The following TMEM178B variants were observed in gnomAD, a reference collection of about 807,000 sequenced individuals.
TMEM178B encodes transmembrane protein 178B.
Under a neutral mutation model 31.0 loss-of-function variants are expected in TMEM178B, and 5 were observed. The observed-to-expected ratio is 0.16, with a 90% CI of 0.08 to 0.34. TMEM178B has a LOEUF of 0.34. Among genes scored for constraint, TMEM178B ranks in the 10% least tolerant of loss-of-function variants. The probability of loss-of-function intolerance (pLI) is 1.00; values close to 1 mark genes in which losing one functional copy is unlikely to be tolerated. For missense variants in TMEM178B, 275 were observed against 400.3 expected (o/e 0.69, Z 2.67); for synonymous variants, 164 against 164.0 (o/e 1.00, Z 0.00).
intron 2 of TMEM178B, among the ~76,000 whole-genome samples, chr7:141,432,547 G>A (rs1801455644): frequency 6.6e-6 from 1 of 152,158 alleles, no homozygotes; most frequent in African/African-American, 2.4e-5. Context: ...TAATATATAA[G>A]TTAGAATTGA....
intron 2 of TMEM178B, among the ~76,000 whole-genome samples, chr7:141,345,050 A>G (rs1345995897): frequency 3.3e-5 from 5 of 152,254 alleles, no homozygotes; most frequent in African/African-American, 9.6e-5. Flanking sequence ...GCATACAAAT[A>G]TGTCATGAAA....
chr7:141,094,737 C>G (rs988164465), intron 1 of TMEM178B, among the ~76,000 whole-genome samples: 1 of 152,208 alleles, frequency 6.6e-6, no homozygotes, highest in African/African-American at 2.4e-5. Flanking sequence ...TAGCATCACT[C>G]TAATTAGAAT....
intron 1 of TMEM178B, among the ~76,000 whole-genome samples, chr7:141,085,678 T>G (rs1794772364): frequency 6.6e-6 from 1 of 151,586 alleles, no homozygotes; most frequent in African/African-American, 2.4e-5. Context: ...TAATAGTGAT[T>G]CTATTTAGGC....
At chr7:141,341,453 T>G (rs560822617) in intron 2 of TMEM178B, among the ~76,000 whole-genome samples, 2 of 152,182 alleles carry the variant, frequency 1.3e-5, no homozygotes, top group East Asian at 3.9e-4. Context: ...TTTTCTCTCC[T>G]CCTAAAAAAG....
At chr7:141,116,894 A>G (rs183030763) in intron 1 of TMEM178B, among the ~76,000 whole-genome samples, 76 of 152,100 alleles carry the variant, frequency 5.0e-4, no homozygotes, top group African/African-American at 1.7e-3. Flanking sequence ...TATGTGCCAC[A>G]TTTTCTTTAT....
rs547804644 is a variant in TMEM178B, at chr7:141,225,808, G to A, written c.496+13104G>A. ...AGCCCCTGATACAAGATCGATGTTT[G>A]CCCCTTGATGTGCCCTGTGTAGGCT... On this transcript the variant is annotated intron_variant, in intron 2 of 3. Coordinates refer to ENST00000565468, the MANE Select transcript of TMEM178B (RefSeq NM_001195278.2). 2.6e-5 allele frequency among the ~76,000 whole-genome samples: 4 copies of A among 152,168 alleles called. No homozygotes were observed. The East Asian group carries it at 5.8e-4, about 22-fold the overall frequency.
At chr7:141,496,669 CAAAAA>C in the TMEM178B span, among the ~76,000 whole-genome samples, 641 of 33,186 alleles carry the variant, frequency 0.019, 2 homozygotes, top group African/African-American at 0.068. Flanking sequence ...GACTCCGTCT[CAAAAA>C]AAAAAAAAAA....
chr7:141,222,777 A>G (rs774870086), intron 2 of TMEM178B, among the ~76,000 whole-genome samples: 3 of 152,206 alleles, frequency 2.0e-5, no homozygotes, highest in Non-Finnish European at 4.4e-5. Flanking sequence ...GGGAGCTTGC[A>G]TTAGGTGTTT....
intron 2 of TMEM178B, among the ~76,000 whole-genome samples, chr7:141,294,753 T>G (rs952582942): frequency 2.0e-5 from 3 of 151,384 alleles, no homozygotes; most frequent in Admixed American, 6.6e-5. Context: ...GAGAAGAGAA[T>G]AGAGAGAAAG....
In TMEM178B at chr7:141,385,968, A is replaced by G. The variant is rs1039532906; in HGVS notation, c.497-51640A>G. Among the ~76,000 whole-genome samples the G allele has an allele frequency of 2.6e-5, 4 of 152,002 alleles. No individual in the cohort carries two copies. In the South Asian group the frequency reaches 8.3e-4, roughly 32 times the overall value. On this transcript the variant is annotated intron_variant, in intron 2 of 3. Transcript: ENST00000565468. ...CTCTTCTTCTGGGGCTTCTTTCTGA[A>G]CTCATTAAATCACACAAAGGTGACA...
intron 1 of TMEM178B, among the ~76,000 whole-genome samples, chr7:141,137,018 C>T (rs1198835541): frequency 1.3e-5 from 2 of 152,144 alleles, no homozygotes; most frequent in Non-Finnish European, 2.9e-5. Context: ...TATAATATCA[C>T]CCCAGTTAGA....
intron 1 of TMEM178B, among the ~76,000 whole-genome samples, chr7:141,089,819 T>C (rs1278498730): frequency 6.6e-6 from 1 of 151,932 alleles, no homozygotes; most frequent in East Asian, 1.9e-4. Context: ...GTGAGAACAC[T>C]TGGATACAGG....
At chr7:141,266,547 AG>A (rs1712330404) in intron 2 of TMEM178B, among the ~76,000 whole-genome samples, 1 of 152,106 alleles carries the variant, frequency 6.6e-6, no homozygotes, top group South Asian at 2.1e-4. Context: ...GGAGTAACAA[AG>A]GTGTGGTTCC....
chr7:141,155,837 G>A (rs1586799798), intron 1 of TMEM178B, among the ~76,000 whole-genome samples: 1 of 152,192 alleles, frequency 6.6e-6, no homozygotes, highest in Admixed American at 6.5e-5. Flanking sequence ...AGCTGAGGCG[G>A]GTGGATCACC....
At position 141,304,711 on chromosome 7, in the gene TMEM178B, C is replaced by T. The variant is rs57421050; in HGVS notation, c.496+92007C>T. On this transcript the variant is annotated intron_variant, in intron 2 of 3. Coordinates refer to ENST00000565468, the MANE Select transcript of TMEM178B (RefSeq NM_001195278.2). ...AGCATGCTCTTCATCACCTTATCTC[C>T]CCTTCCTCCTCACTCTAGCACTTCA... 7.0e-3 allele frequency among the ~76,000 whole-genome samples: 1,067 copies of T among 152,192 alleles called. 13 individuals carry two copies. Among genetic ancestry groups the T allele is most frequent in the African/African-American group, 0.022 (909 of 41,512 alleles).
chr7:141,428,846 G>C lies in TMEM178B; in HGVS notation c.497-8762G>C, dbSNP rs1430438874. Among the ~76,000 whole-genome samples the C allele has an allele frequency of 2.6e-5, 4 of 152,164 alleles. No homozygotes were observed. The East Asian group carries it at 7.7e-4, about 29-fold the overall frequency. On this transcript the variant is annotated intron_variant, in intron 2 of 3. Transcript: ENST00000565468. ...AACTCTCACTCCTGTTCTAAAACTT[G>C]CCTTGGTCTCTTCCTCAGCCTTAAA...
rs796878750 is a variant in TMEM178B at position 141,249,766 on chromosome 7, A to G, written c.496+37062A>G. On this transcript the variant is annotated intron_variant, in intron 2 of 3. Transcript: ENST00000565468. ...GGGAAGCTTATCTTCTGCCATTCCA[A>G]TGGTTGTTGGTACTATTTCATCTTT... 1.2e-4 allele frequency among the ~76,000 whole-genome samples: 18 copies of G among 152,294 alleles called. 1 individual carries two copies. Among genetic ancestry groups the G allele is most frequent in the African/African-American group, 4.3e-4 (18 of 41,562 alleles).
intron 2 of TMEM178B, among the ~76,000 whole-genome samples, chr7:141,316,271 C>T (rs1449334432): frequency 1.3e-5 from 2 of 152,172 alleles, no homozygotes; most frequent in African/African-American, 2.4e-5. Context: ...GATTTAATTG[C>T]TCACATTTTT....
chr7:141,451,297 AT>A (rs1450406414), intron 3 of TMEM178B, among the ~76,000 whole-genome samples: 1 of 152,232 alleles, frequency 6.6e-6, no homozygotes, highest in Non-Finnish European at 1.5e-5. Context: ...TGAGAATTAA[AT>A]GAGTTGATGT....
Sources: allele counts gnomAD v4.1 joint callset (sites outside exome capture counted in the v4.1 genomes callset), GRCh38; gene constraint gnomAD v4.1.1; transcripts MANE v1.5; gene names NCBI Gene and HGNC (gene_info 2026-07-23, HGNC 2026-07-21).